The following ZNF576 variants were observed in gnomAD, a reference collection of about 807,000 sequenced individuals.
ZNF576 encodes zinc finger protein 576.
A neutral mutation model predicts 10.8 loss-of-function variants in ZNF576; 9 were observed. The observed-to-expected ratio is 0.84, with a 90% CI of 0.50 to 1.46. The LOEUF (loss-of-function observed/expected upper bound fraction) is 1.46, where lower values mean the gene tolerates loss of function less well. Among genes scored for constraint, ZNF576 ranks in the 40% most tolerant of loss-of-function variants. ZNF576 has a pLI of 0.00. For synonymous variants in ZNF576, 88 were observed against 89.6 expected (o/e 0.98, Z 0.10); for missense variants, 191 against 233.7 (o/e 0.82, Z 1.19).
rs1212151298 is a variant in ZNF576, at chr19:43,600,645, G to A, written c.*1387G>A. ...GCCGGTGGATCACCTGAGGTCAGGA[G>A]TTTGAGACCAGCCTGGCCAACATGG... is the stretch of plus-strand genomic sequence containing the variant. On this transcript the variant is annotated 3_prime_UTR_variant, in exon 3 of 3. Transcript: ENST00000336564. 1 of 152,244 alleles carries A rather than the reference G, an allele frequency of 6.6e-6. No homozygotes were observed. Among genetic ancestry groups the A allele is most frequent in the South Asian group, 2.1e-4 (1 of 4,830 alleles). 9.4% of individuals were successfully genotyped at this position (152,244 alleles called of 1,614,324 possible).
chr19:43,598,812 T>G lies in ZNF576; in HGVS notation c.86-19T>G, dbSNP rs1446910944. 1.0e-5 allele frequency: 16 copies of G among 1,533,898 alleles called. No individual in the cohort carries two copies. In the East Asian group the frequency reaches 3.6e-4, roughly 35 times the overall value. On this transcript the variant is annotated intron_variant, in intron 2 of 2. Transcript: ENST00000336564. ...AGACTCCTGCTGGCCTCCCCTGACC[T>G]CTCCCCCACATTCCTCAGGCCACCT... is the stretch of plus-strand genomic sequence containing the variant.
In ZNF576 at chr19:43,600,847, A is replaced by G. The variant is rs1030977208; in HGVS notation, c.*1589A>G. On this transcript the variant is annotated 3_prime_UTR_variant, in exon 3 of 3. Transcript: ENST00000336564. ...CTGGGTGACAGAGTGAGACTGTTTA[A>G]AAAAAAAGAAAAGAAAGGGACATAC... 1.3e-5 allele frequency: 2 copies of G among 151,990 alleles called. No individual in the cohort carries two copies. Among genetic ancestry groups the G allele is most frequent in the African/African-American group, 4.8e-5 (2 of 41,368 alleles). 9.4% of individuals were successfully genotyped at this position (151,990 alleles called of 1,614,324 possible). A position where few individuals can be genotyped will look rare whatever the true frequency, so the allele number is the denominator to read the frequency against.
At chr19:43,598,641 C>T (rs982962035) in intron 2 of ZNF576, among the ~76,000 whole-genome samples, 190 bp from the exon 3 acceptor site, 2 of 152,204 alleles carry the variant, frequency 1.3e-5, no homozygotes, top group Non-Finnish European at 2.9e-5. Flanking sequence ...CTTGCCTAAC[C>T]TCTTTGAATC....
rs1432934549 is a variant in ZNF576 at position 43,598,976 on chromosome 19, C to T, written c.231C>T (p.Ala77=). Reference sequence around the variant, plus strand: ...TCCTCTTCATCTGCTTCACCTGCGCCCGCTCCTTCCCCTCCTCCAAAGCCC... The same window carrying T: ...TCCTCTTCATCTGCTTCACCTGCGCTCGCTCCTTCCCCTCCTCCAAAGCCC... ...QGVLFICFTC[A]RSFPSSKALI... is the part of the protein sequence containing the mutation. Residue 77 remains alanine (A), a synonymous_variant, in exon 3 of 3, where the codon GCC becomes GCT. Transcript: ENST00000336564. 3 of 1,614,148 alleles carry T rather than the reference C, an allele frequency of 1.9e-6. No homozygotes were observed. The highest frequency in any genetic ancestry group is 1.3e-5 in the African/African-American group (1 of 75,044).
intron 2 of ZNF576, among the ~76,000 whole-genome samples, chr19:43,598,300 A>G (rs557641861): frequency 6.6e-6 from 1 of 152,336 alleles, no homozygotes; most frequent in East Asian, 1.9e-4. Flanking sequence ...TATGTTCAAC[A>G]GAACACCAAG....
rs370629225 is a variant in ZNF576 at position 43,599,155 on chromosome 19, G to A, written c.410G>A (p.Arg137His). The A allele has an allele frequency of 1.4e-4, 220 of 1,614,244 alleles. 1 individual carries two copies. In the South Asian group the frequency reaches 1.6e-3, roughly 12 times the overall value. ...CGGCACCGCCAGATGCATGAGGTCC[G>A]TGCCCCTCCTGGCACCTTCGCCTGC... ...LRRHRQMHEV[R>H]APPGTFACTE... The change falls in exon 3 of 3, where the codon CGT becomes CAT. Residue 137 changes from arginine (R) to histidine (H), a missense_variant. Coordinates refer to ENST00000336564, the MANE Select transcript of ZNF576 (RefSeq NM_001145347.2).
rs1973200533 is a variant in ZNF576 at position 43,600,859 on chromosome 19, AG to A, written c.*1602del. ...GTGAGACTGTTTAAAAAAAAAGAAA[AG>A]AAAGGGACATACCTTTTTTCCACCT... On this transcript the variant is annotated 3_prime_UTR_variant, in exon 3 of 3. Coordinates refer to ENST00000336564, the MANE Select transcript of ZNF576 (RefSeq NM_001145347.2). 6.6e-6 allele frequency: 1 copy of A among 152,180 alleles called. No homozygotes were observed. The highest frequency in any genetic ancestry group is 6.6e-5 in the Admixed American group (1 of 15,266). The allele number at this position is 152,180 out of a possible 1,614,324, so 9.4% of individuals were successfully genotyped here. A position where few individuals can be genotyped will look rare whatever the true frequency, so the allele number is the denominator to read the frequency against.
intron 2 of ZNF576, 54 bp downstream of exon 2, chr19:43,597,247 T>C: frequency 1.3e-6 from 2 of 1,532,678 alleles, no homozygotes; most frequent in Non-Finnish European, 1.8e-6. Flanking sequence ...GAGCTGATGC[T>C]AAGATCTCTG....
intron 1 of ZNF576, 127 bp downstream of exon 1, chr19:43,596,870 G>A (rs964696582): frequency 3.5e-5 from 16 of 456,476 alleles, no homozygotes; most frequent in African/African-American, 3.2e-4. Context: ...CCAGTGAGAA[G>A]ACTCTAGGGG....
chr19:43,597,229 G>A (rs764247522), intron 2 of ZNF576, 36 bp downstream of exon 2: 1 of 1,587,956 alleles, frequency 6.3e-7, no homozygotes, highest in Non-Finnish European at 8.6e-7. Context: ...GAGGAGGGTG[G>A]GGTGCAGGAG....
At chr19:43,597,935 A>G (rs1218346168) in intron 2 of ZNF576, among the ~76,000 whole-genome samples, 1 of 152,132 alleles carries the variant, frequency 6.6e-6, no homozygotes, top group East Asian at 1.9e-4. Flanking sequence ...GTGTCTCACT[A>G]AGAATGGTAA....
Position 43,599,229 on chromosome 19 carries a change from T to G in ZNF576, c.484T>G (p.Tyr162Asp). Reference sequence around the variant, plus strand: ...TCAGGAAGCAGGGCTGCATCAACACTACATTCGGCATGCCCGGGGGGAGCT... The same window carrying G: ...TCAGGAAGCAGGGCTGCATCAACACGACATTCGGCATGCCCGGGGGGAGCT... ...FAQEAGLHQH[Y>D]IRHARGEL Residue 162 changes from tyrosine to aspartate, a missense_variant, in exon 3 of 3, where the codon TAC (tyrosine) becomes GAC (aspartate). Transcript: ENST00000336564. The G allele has an allele frequency of 6.2e-7, 1 of 1,613,946 alleles. No individual in the cohort carries two copies. Among genetic ancestry groups the G allele is most frequent in the Middle Eastern group, 1.7e-4 (1 of 6,060 alleles).
Position 43,597,192 on chromosome 19 carries a change from C to T in ZNF576, c.84C>T (p.Ile28=). The change falls in exon 2 of 3, where the codon ATC becomes ATT. Residue 28 remains isoleucine (I), a splice_region_variant and synonymous_variant. Transcript: ENST00000336564. ...ERSPQSPGGN[I]CHLGAPKCTR... Reference sequence around the variant, plus strand: ...GTCCCCAGAGCCCAGGAGGCAACATCTGTGAGTACACATGGCTGGCGGGCT... The same window carrying T: ...GTCCCCAGAGCCCAGGAGGCAACATTTGTGAGTACACATGGCTGGCGGGCT... 6.2e-7 allele frequency: 1 copy of T among 1,613,880 alleles called. No homozygotes were observed. The highest frequency in any genetic ancestry group is 8.5e-7 in the Non-Finnish European group (1 of 1,179,778).
Position 43,597,119 on chromosome 19 carries a change from C to T in ZNF576, c.11C>T (p.Pro4Leu), listed in dbSNP as rs1342837087. Reference protein sequence around the residue: MEDPNPEENMKQQD... With the variant: MEDLNPEENMKQQD... ...AAGGGTCCCAGCACCATGGAGGACC[C>T]GAACCCTGAAGAGAACATGAAGCAG... Residue 4 changes from proline to leucine, a missense_variant, in exon 2 of 3, where the codon CCG becomes CTG. Coordinates refer to ENST00000336564, the MANE Select transcript of ZNF576 (RefSeq NM_001145347.2). 1.2e-6 allele frequency: 2 copies of T among 1,613,882 alleles called. No individual in the cohort carries two copies. Among genetic ancestry groups the T allele is most frequent in the African/African-American group, 2.7e-5 (2 of 74,868 alleles).
At chr19:43,597,968 G>C (rs1301730071) in intron 2 of ZNF576, among the ~76,000 whole-genome samples, 4 of 152,180 alleles carry the variant, frequency 2.6e-5, no homozygotes, top group Admixed American at 2.0e-4. Flanking sequence ...ATTTGGGCTT[G>C]TGGGTGGTGA....
Position 43,597,119 on chromosome 19 carries a change from C to G in ZNF576, c.11C>G (p.Pro4Arg). Residue 4 changes from proline (P) to arginine (R), a missense_variant, in exon 2 of 3, where the codon CCG becomes CGG. Pro to Arg is a moderately radical substitution (Grantham distance 103). Transcript: ENST00000336564. MEDPNPEENMKQQD... is the reference protein window; with the variant it reads MEDRNPEENMKQQD... ...AAGGGTCCCAGCACCATGGAGGACC[C>G]GAACCCTGAAGAGAACATGAAGCAG... 1 of 1,614,000 alleles carries G rather than the reference C, an allele frequency of 6.2e-7. No homozygotes were observed. The highest frequency in any genetic ancestry group is 8.5e-7 in the Non-Finnish European group (1 of 1,179,986).
intron 2 of ZNF576, among the ~76,000 whole-genome samples, chr19:43,598,364 A>G (rs1247819568): frequency 6.6e-6 from 1 of 152,186 alleles, no homozygotes; most frequent in Admixed American, 6.5e-5. Context: ...ATTTCTCTGT[A>G]TCATTAGTCA....
At chr19:43,597,287 G>GTTT in intron 2 of ZNF576, 94 bp downstream of exon 2, 1 of 1,154,060 alleles carries the variant, frequency 8.7e-7, no homozygotes, top group South Asian at 1.3e-5. Flanking sequence ...GCGCCACAGA[G>GTTT]TTTTGCCTGT....
chr19:43,599,324 G>T lies in ZNF576; in HGVS notation c.*66G>T. ...GCTGGTAGGACTCACCCATGATATG[G>T]GGTGCAGGAACTCTGGGGGCCCTGA... On this transcript the variant is annotated 3_prime_UTR_variant, in exon 3 of 3. Transcript: ENST00000336564. The T allele has an allele frequency of 6.6e-7, 1 of 1,516,932 alleles. No individual in the cohort carries two copies. Among genetic ancestry groups the T allele is most frequent in the East Asian group, 2.3e-5 (1 of 42,714 alleles). The allele number at this position is 1,516,932 out of a possible 1,614,324, so 94.0% of individuals were successfully genotyped here. A position where few individuals can be genotyped will look rare whatever the true frequency, so the allele number is the denominator to read the frequency against.
Sources: gnomAD v4.1 joint callset for allele counts (sites outside exome capture counted in the v4.1 genomes callset) on GRCh38, gnomAD v4.1.1 for gene constraint, MANE v1.5 for transcripts, NCBI Gene and HGNC (gene_info 2026-07-23, HGNC 2026-07-21) for gene names.